Variants in PCDH15 observed in about 807,000 individuals in gnomAD.
PCDH15 encodes protocadherin-15.
Under a neutral mutation model 178.5 loss-of-function variants are expected in PCDH15, and 129 were observed. The ratio of observed to expected loss-of-function variants is 0.72; its 90% CI spans 0.63 to 0.84. The LOEUF (loss-of-function observed/expected upper bound fraction) is 0.84, where lower values mean the gene tolerates loss of function less well. Ranked by LOEUF, PCDH15 falls within the 40% of genes least tolerant of loss-of-function variation. The pLI is 0.00. For synonymous variants in PCDH15, 800 were observed against 732.0 expected (o/e 1.09, Z -1.50); for missense variants, 2,230 against 2,099.9 (o/e 1.06, Z -1.21).
intron 2 of PCDH15, among the ~76,000 whole-genome samples, chr10:54,617,794 C>T (rs920191381): frequency 1.3e-5 from 2 of 149,022 alleles, no homozygotes; most frequent in South Asian, 2.1e-4. Flanking sequence ...GGCATAGTGG[C>T]GGGCACCTAT....
At chr10:54,917,256 A>G (rs947490382) in intron 2 of PCDH15, among the ~76,000 whole-genome samples, 2 of 152,192 alleles carry the variant, frequency 1.3e-5, no homozygotes, top group African/African-American at 4.8e-5. Context: ...GATTTAGCCA[A>G]TAGCCTTTTT....
At chr10:53,824,595 C>CAAAG (rs917738054) in intron 32 of PCDH15, among the ~76,000 whole-genome samples, 2 of 152,054 alleles carry the variant, frequency 1.3e-5, no homozygotes, top group African/African-American at 2.4e-5. Context: ...ACTTGGACAA[C>CAAAG]AAAGAAAATT....
At chr10:55,200,935 T>A (rs992082757) in intron 1 of PCDH15, among the ~76,000 whole-genome samples, 1 of 152,070 alleles carries the variant, frequency 6.6e-6, no homozygotes, top group Non-Finnish European at 1.5e-5. Context: ...TGTGAGACAA[T>A]TAAACCTCTT....
intron 25 of PCDH15, among the ~76,000 whole-genome samples, chr10:53,903,806 T>C (rs1445667239): frequency 2.0e-5 from 3 of 152,132 alleles, no homozygotes; most frequent in South Asian, 2.1e-4. Context: ...AAATCAGCAA[T>C]GGCATTTCTT....
chr10:54,821,360 G>A (rs1359780597), intron 3 of PCDH15, among the ~76,000 whole-genome samples: 1 of 151,936 alleles, frequency 6.6e-6, no homozygotes, highest in East Asian at 1.9e-4. Context: ...GTTAGGCACA[G>A]TGAGTCCCAT....
At chr10:55,225,189 T>C (rs2132190016) in intron 1 of PCDH15, among the ~76,000 whole-genome samples, 1 of 152,102 alleles carries the variant, frequency 6.6e-6, no homozygotes, top group East Asian at 1.9e-4. Flanking sequence ...GTAACAAAAG[T>C]ACGTAACAAA....
At chr10:54,469,159 C>T (rs1405347904) in intron 3 of PCDH15, among the ~76,000 whole-genome samples, 10 of 152,282 alleles carry the variant, frequency 6.6e-5, no homozygotes, top group South Asian at 2.1e-4. Flanking sequence ...TGCAGTGGCA[C>T]GATCTCTGCT....
intron 8 of PCDH15, among the ~76,000 whole-genome samples, chr10:54,275,478 A>G (rs1178042397): frequency 6.6e-6 from 1 of 151,894 alleles, no homozygotes; most frequent in African/African-American, 2.4e-5. Flanking sequence ...CCCTGATGAT[A>G]TGCCAATTCT....
At chr10:53,967,986 T>A (rs538629759) in intron 21 of PCDH15, among the ~76,000 whole-genome samples, 1 of 152,218 alleles carries the variant, frequency 6.6e-6, no homozygotes, top group Admixed American at 6.5e-5. Flanking sequence ...CATTTCCAAC[T>A]GAGGTACCGG....
chr10:55,464,668 GTA>G lies in PCDH15; in HGVS notation c.-156+162955_-156+162956del, dbSNP rs1470698840. ...TATATATATATATGTGTGTGTGTGTGTATATATATACATATGTATATATATGT... is the reference window on the plus strand; with the variant it reads ...TATATATATATATGTGTGTGTGTGTGTATATATACATATGTATATATATGT... On this transcript the variant is annotated intron_variant, in intron 2 of 5. Coordinates refer to the PCDH15 transcript ENST00000613346. Among the ~76,000 whole-genome samples, 56 of 145,944 alleles carry G rather than the reference GTA, an allele frequency of 3.8e-4. No homozygotes were observed. The East Asian group carries it at 4.2e-3, about 11-fold the overall frequency.
chr10:54,031,268 C>T (rs1387617002), intron 18 of PCDH15, among the ~76,000 whole-genome samples: 1 of 151,908 alleles, frequency 6.6e-6, no homozygotes, highest in Admixed American at 6.6e-5. Context: ...TTATTTTCCC[C>T]CAATCCAACT....
intron 8 of PCDH15, among the ~76,000 whole-genome samples, chr10:54,308,988 C>G (rs2060725044): frequency 6.6e-6 from 1 of 152,016 alleles, no homozygotes; most frequent in Non-Finnish European, 1.5e-5. Context: ...GACAAACGAT[C>G]TTCGCATTAA....
At chr10:54,654,702 T>G (rs2135261868) in intron 2 of PCDH15, among the ~76,000 whole-genome samples, 1 of 152,290 alleles carries the variant, frequency 6.6e-6, no homozygotes, top group Non-Finnish European at 1.5e-5. Context: ...TATAATTACA[T>G]TTTTGCTCAA....
chr10:54,845,036 A>G (rs1426590068), intron 3 of PCDH15, among the ~76,000 whole-genome samples: 1 of 152,018 alleles, frequency 6.6e-6, no homozygotes, highest in Non-Finnish European at 1.5e-5. Flanking sequence ...ATTAAGATTT[A>G]TAATTTTAAT....
chr10:54,055,476 T>C (rs773985678), intron 18 of PCDH15, among the ~76,000 whole-genome samples: 6 of 152,222 alleles, frequency 3.9e-5, no homozygotes, highest in African/African-American at 7.2e-5. Context: ...ACAGGCAGTA[T>C]AGTTTCCAAG....
chr10:54,352,008 A>C (rs754138068), intron 5 of PCDH15, among the ~76,000 whole-genome samples: 1 of 152,226 alleles, frequency 6.6e-6, no homozygotes, highest in African/African-American at 2.4e-5. Flanking sequence ...TCCACAAATC[A>C]TAATATTGTG....
At chr10:54,732,663 A>G (rs908905504) in intron 1 of PCDH15, among the ~76,000 whole-genome samples, 1 of 151,610 alleles carries the variant, frequency 6.6e-6, no homozygotes, top group African/African-American at 2.4e-5. Context: ...ATAGAAGAGG[A>G]AGTAACAACT....
At chr10:54,480,501 T>G (rs1233853065) in intron 3 of PCDH15, among the ~76,000 whole-genome samples, 1 of 152,028 alleles carries the variant, frequency 6.6e-6, no homozygotes. Context: ...AAAAGTGTTA[T>G]TTGCTACTTA....
rs79080348 is a variant in PCDH15, at chr10:54,203,284, G to A, written c.1099-7395C>T. Among the ~76,000 whole-genome samples, 924 of 152,226 alleles carry A rather than the reference G, an allele frequency of 6.1e-3. 9 individuals carry two copies. The highest frequency in any genetic ancestry group is 0.018 in the African/African-American group (758 of 41,530). ...AGTGGGAATACTCTACAAGTAATAAGCTCAGTCTTAGCTAGTATTCATAGG... is the reference window on the plus strand; with the variant it reads ...AGTGGGAATACTCTACAAGTAATAAACTCAGTCTTAGCTAGTATTCATAGG... On this transcript the variant is annotated intron_variant, in intron 10 of 37. Transcript: ENST00000644397.
Sources: gnomAD v4.1 joint callset for allele counts (sites outside exome capture counted in the v4.1 genomes callset) on GRCh38, gnomAD v4.1.1 for gene constraint, MANE v1.5 for transcripts, NCBI Gene and HGNC (gene_info 2026-07-23, HGNC 2026-07-21) for gene names.